The following CCT3 variants were observed in gnomAD, a reference collection of about 807,000 sequenced individuals.
CCT3 encodes the protein T-complex protein 1 subunit gamma.
A neutral mutation model predicts 65.3 loss-of-function variants in CCT3; 10 were observed. The observed-to-expected ratio is 0.15, with a 90% CI of 0.09 to 0.26. The LOEUF is 0.26. Ranked by LOEUF, CCT3 falls within the 10% of genes least tolerant of loss-of-function variation. The probability of loss-of-function intolerance (pLI) is 1.00; values close to 1 mark genes in which losing one functional copy is unlikely to be tolerated. For missense variants in CCT3, 626 were observed against 708.7 expected (o/e 0.88, Z 1.33); for synonymous variants, 225 against 242.3 (o/e 0.93, Z 0.66).
intron 10 of CCT3, among the ~76,000 whole-genome samples, chr1:156,313,864 C>T (rs989268166): frequency 3.3e-5 from 5 of 151,920 alleles, no homozygotes; most frequent in African/African-American, 4.8e-5. Context: ...CCAAGGCGGG[C>T]GGATCACGAG....
chr1:156,317,891 T>C (rs1395595597), intron 8 of CCT3, among the ~76,000 whole-genome samples: 1 of 151,918 alleles, frequency 6.6e-6, no homozygotes, highest in Non-Finnish European at 1.5e-5. Context: ...TTTTTGTATT[T>C]TTAGTAGAGA....
chr1:156,330,121 T>C (rs887851922), intron 5 of CCT3, among the ~76,000 whole-genome samples: 2 of 152,190 alleles, frequency 1.3e-5, no homozygotes, highest in African/African-American at 4.8e-5. Context: ...CCACTATCTC[T>C]AGATGATTCA....
intron 5 of CCT3, among the ~76,000 whole-genome samples, chr1:156,330,626 C>A (rs570660533): frequency 6.6e-6 from 1 of 152,068 alleles, no homozygotes; most frequent in African/African-American, 2.4e-5. Flanking sequence ...GATGCCACTG[C>A]ACTTTAGCTT....
chr1:156,323,479 T>C (rs1664658457), intron 6 of CCT3, among the ~76,000 whole-genome samples: 1 of 152,206 alleles, frequency 6.6e-6, no homozygotes, highest in Admixed American at 6.5e-5. Context: ...ATTTATTTAT[T>C]TTTGAGATGG....
chr1:156,321,072 A>C (rs1423159769), intron 6 of CCT3, 47 bp from the exon 7 acceptor site: 1 of 1,464,824 alleles, frequency 6.8e-7, no homozygotes, highest in South Asian at 1.2e-5. Context: ...CATGTTAGAT[A>C]TGTAGAGATG....
At chr1:156,325,824 C>A (rs1005367135) in intron 5 of CCT3, among the ~76,000 whole-genome samples, 4 of 151,992 alleles carry the variant, frequency 2.6e-5, no homozygotes, top group African/African-American at 9.7e-5. Context: ...CTCAGGTGAT[C>A]TGTCCACCTC....
chr1:156,312,245 G>A (rs150294696), intron 10 of CCT3, 24 bp from the exon 11 acceptor site: 5 of 1,606,250 alleles, frequency 3.1e-6, no homozygotes, highest in African/African-American at 2.7e-5. Context: ...GAGGTGGGGA[G>A]AATCAGATGA....
intron 5 of CCT3, among the ~76,000 whole-genome samples, chr1:156,327,897 ACCGCCCCGT>A (rs1664899242): frequency 1.8e-5 from 2 of 113,854 alleles, no homozygotes; most frequent in Admixed American, 1.8e-4. Context: ...CCTCTGCCCC[ACCGCCCCGT>A]CTGGGATGTG....
chr1:156,315,508 C>G (rs958223912), intron 10 of CCT3, among the ~76,000 whole-genome samples: 10 of 152,138 alleles, frequency 6.6e-5, no homozygotes, highest in African/African-American at 2.4e-4. Flanking sequence ...CGTGCCCTGC[C>G]CTTATGATTT....
intron 10 of CCT3, 136 bp downstream of exon 10, chr1:156,317,030 C>G (rs928357619): frequency 1.4e-6 from 1 of 722,020 alleles, no homozygotes; most frequent in African/African-American, 1.8e-5. Context: ...CTGAAGAGGG[C>G]AGGCAGCTAA....
intron 6 of CCT3, among the ~76,000 whole-genome samples, chr1:156,323,786 T>C (rs1283956418): frequency 6.7e-6 from 1 of 149,270 alleles, no homozygotes; most frequent in Admixed American, 6.7e-5. Context: ...TTTTTTGAGA[T>C]GGAGTTTTGT....
intron 1 of CCT3, 82 bp downstream of exon 1, chr1:156,338,072 G>A: frequency 6.8e-7 from 1 of 1,467,750 alleles, no homozygotes; most frequent in Non-Finnish European, 9.4e-7. Flanking sequence ...GGTCAGTGGG[G>A]GACGGAGCTG....
At chr1:156,331,922 C>T (rs949926703) in intron 5 of CCT3, among the ~76,000 whole-genome samples, 2 of 151,940 alleles carry the variant, frequency 1.3e-5, no homozygotes, top group Non-Finnish European at 2.9e-5. Context: ...ATCCCAGCTA[C>T]TTGGAAGGCT....
chr1:156,331,239 A>G (rs1055592937), intron 5 of CCT3, among the ~76,000 whole-genome samples: 1 of 150,176 alleles, frequency 6.7e-6, no homozygotes, highest in African/African-American at 2.5e-5. Flanking sequence ...TCAAAAAGAA[A>G]AACACTTTGG....
intron 5 of CCT3, among the ~76,000 whole-genome samples, chr1:156,325,577 A>AT (rs549653555): frequency 0.025 from 3,423 of 137,928 alleles, 122 homozygotes; most frequent in Admixed American, 0.11. Context: ...TATTCTTTTG[A>AT]TTTTTTTTTT....
intron 10 of CCT3, among the ~76,000 whole-genome samples, chr1:156,312,684 A>G (rs1664134131): frequency 6.6e-6 from 1 of 152,060 alleles, no homozygotes; most frequent in South Asian, 2.1e-4. Flanking sequence ...AAAACCCCAA[A>G]AAACAACAAC....
Position 156,320,930 on chromosome 1 carries a change from C to G in CCT3, c.518G>C (p.Cys173Ser). 1 of 1,613,934 alleles carries G rather than the reference C, an allele frequency of 6.2e-7. No individual in the cohort carries two copies. The highest frequency in any genetic ancestry group is 8.5e-7 in the Non-Finnish European group (1 of 1,179,870). The part of the protein sequence containing the change: ...KAISRWSSLA[C>S]NIALDAVKMV... ...CTTGACAGCATCCAGGGCAATGTTG[C>G]AAGCCAAAGATGACCACCGACTGAT... is the stretch of plus-strand genomic sequence containing the variant. Residue 173 changes from cysteine to serine, a missense_variant, in exon 7 of 14, where the codon TGC becomes TCC. By Grantham distance (112) the Cys-to-Ser change is moderately radical. Transcript: ENST00000295688.
At chr1:156,329,407 G>C (rs1665009118) in intron 5 of CCT3, among the ~76,000 whole-genome samples, 1 of 148,702 alleles carries the variant, frequency 6.7e-6, no homozygotes, top group Non-Finnish European at 1.5e-5. Flanking sequence ...TCAGGTTCAA[G>C]TGATACTCCT....
intron 5 of CCT3, among the ~76,000 whole-genome samples, chr1:156,331,009 G>A (rs1665076850): frequency 6.6e-6 from 1 of 151,312 alleles, no homozygotes; most frequent in Non-Finnish European, 1.5e-5. Flanking sequence ...TGAGGCAGGT[G>A]GATCATGAGG....
Sources: allele counts gnomAD v4.1 joint callset (sites outside exome capture counted in the v4.1 genomes callset), GRCh38; gene constraint gnomAD v4.1.1; transcripts MANE v1.5; gene names NCBI Gene and HGNC (gene_info 2026-07-23, HGNC 2026-07-21).